Variants in MDN1 observed in about 807,000 individuals in gnomAD.
MDN1 encodes midasin.
A neutral mutation model predicts 669.2 loss-of-function variants in MDN1; 266 were observed. The observed-to-expected ratio is 0.40, with a 90% CI of 0.36 to 0.44. MDN1 has a LOEUF of 0.44. Ranked by LOEUF, MDN1 falls within the 20% of genes least tolerant of loss-of-function variation. The probability of loss-of-function intolerance (pLI) is 1.00; values close to 1 mark genes in which losing one functional copy is unlikely to be tolerated. For synonymous variants in MDN1, 2,385 were observed against 2,457.1 expected (o/e 0.97, Z 0.87); for missense variants, 5,940 against 6,754.0 (o/e 0.88, Z 4.22).
chr6:89,819,130 C>A (rs1326068680), intron 1 of MDN1, among the ~76,000 whole-genome samples: 1 of 152,192 alleles, frequency 6.6e-6, no homozygotes, highest in African/African-American at 2.4e-5. Flanking sequence ...ACAGGAGTGG[C>A]TGCACTACGC....
chr6:89,696,548 T>C lies in MDN1; in HGVS notation c.9195A>G (p.Ile3065Met), dbSNP rs780086391. The C allele has an allele frequency of 2.5e-6, 4 of 1,614,114 alleles. No individual in the cohort carries two copies. Among genetic ancestry groups the C allele is most frequent in the Admixed American group, 3.3e-5 (2 of 60,014 alleles). Reference protein sequence around the residue: ...LKGPGNLNRPIFSKCCFEVLT... With the variant: ...LKGPGNLNRPMFSKCCFEVLT... ...AGACTTCAAAGCAGCACTTAGAGAATATGGGTCTATTGAGATTGCCGGGGC... is the reference window on the plus strand; with the variant it reads ...AGACTTCAAAGCAGCACTTAGAGAACATGGGTCTATTGAGATTGCCGGGGC... Residue 3065 changes from isoleucine to methionine, a missense_variant, in exon 60 of 102, where the codon ATA (isoleucine) becomes ATG (methionine). Physicochemically the swap from Ile to Met is conservative, Grantham distance 10 (BLOSUM62 1). Transcript: ENST00000369393.
intron 30 of MDN1, 80 bp from the exon 31 acceptor site, chr6:89,743,360 G>T (rs1018751014): frequency 3.2e-6 from 5 of 1,555,656 alleles, no homozygotes; most frequent in Non-Finnish European, 4.4e-6. Context: ...GGTGTTTCCA[G>T]GGGTGAAGTA....
At chr6:89,678,318 G>A (rs988144216) in intron 75 of MDN1, among the ~76,000 whole-genome samples, 9 of 152,072 alleles carry the variant, frequency 5.9e-5, no homozygotes, top group African/African-American at 9.7e-5. Flanking sequence ...GCAACAGAGC[G>A]AGACTCAGTC....
intron 74 of MDN1, 103 bp from the exon 75 acceptor site, chr6:89,678,848 C>T: frequency 8.2e-7 from 1 of 1,215,300 alleles, no homozygotes; most frequent in Non-Finnish European, 1.1e-6. Flanking sequence ...AGAACAAAGG[C>T]CAAGTATCAT....
intron 63 of MDN1, among the ~76,000 whole-genome samples, chr6:89,691,047 C>G (rs1324541847): frequency 6.6e-6 from 1 of 152,166 alleles, no homozygotes; most frequent in Non-Finnish European, 1.5e-5. Context: ...CTAAATCCCC[C>G]CTGCTGTGTC....
chr6:89,772,501 T>C lies in MDN1; in HGVS notation c.2083+72A>G, dbSNP rs147073865. ...TAAACTCTGTGGTCTTTGGATTTAG[T>C]ATTTTTAAAAAAGGAAAAAAAGTAG... On this transcript the variant is annotated intron_variant, in intron 14 of 101. Transcript: ENST00000369393. The C allele has an allele frequency of 1.9e-4, 298 of 1,548,190 alleles. 2 individuals are homozygous for C. In the African/African-American group the frequency reaches 3.7e-3, roughly 19 times the overall value.
intron 1 of MDN1, among the ~76,000 whole-genome samples, chr6:89,813,620 A>G (rs1768603131): frequency 6.6e-6 from 1 of 151,750 alleles, no homozygotes; most frequent in Admixed American, 6.6e-5. Context: ...TGTCCCAGCT[A>G]CTCAGAAGGA....
intron 84 of MDN1, among the ~76,000 whole-genome samples, chr6:89,666,936 GGATT>G (rs1436057329): frequency 2.0e-5 from 3 of 152,034 alleles, no homozygotes; most frequent in African/African-American, 7.3e-5. Context: ...ATGAATATTT[GGATT>G]GTTTCACAAT....
intron 40 of MDN1, among the ~76,000 whole-genome samples, chr6:89,720,711 T>C (rs1212789472): frequency 6.6e-6 from 1 of 152,222 alleles, no homozygotes; most frequent in East Asian, 1.9e-4. Flanking sequence ...TACTAGCTGA[T>C]TATGTGAATT....
Position 89,687,365 on chromosome 6 carries a change from C to T in MDN1, c.11429G>A (p.Arg3810Gln), listed in dbSNP as rs942152814. 2.5e-6 allele frequency: 4 copies of T among 1,613,982 alleles called. No individual in the cohort carries two copies. The highest frequency in any genetic ancestry group is 2.5e-6 in the Non-Finnish European group (3 of 1,179,938). Residue 3810 changes from arginine to glutamine, a missense_variant, in exon 68 of 102, where the codon CGG becomes CAG. By Grantham distance (43) the Arg-to-Gln change is conservative. Around this residue, in one of 5 missense-constraint regions of MDN1, gnomAD observed 2,280 missense variants for 2,576.3 expected, o/e 0.88. Coordinates refer to ENST00000369393, the MANE Select transcript of MDN1 (RefSeq NM_014611.3). ...HLDLISQMII[R>Q]WRKLELNCWS... Reference sequence around the variant, plus strand: ...TTACTTCAGCTCCAGTTTACGCCACCGAATGATCATCTGACTGATCAAATC... The same window carrying T: ...TTACTTCAGCTCCAGTTTACGCCACTGAATGATCATCTGACTGATCAAATC...
chr6:89,802,002 A>T (rs1454504806), intron 2 of MDN1, among the ~76,000 whole-genome samples: 1 of 152,190 alleles, frequency 6.6e-6, no homozygotes, highest in Admixed American at 6.6e-5. Flanking sequence ...CATAACGTGT[A>T]ATTCTAACTT....
At chr6:89,801,580 G>A (rs1767664666) in intron 2 of MDN1, among the ~76,000 whole-genome samples, 2 of 152,028 alleles carry the variant, frequency 1.3e-5, no homozygotes, top group South Asian at 4.1e-4. Context: ...AACCTGGGAG[G>A]CAGAGGTTAC....
chr6:89,738,190 G>T, intron 33 of MDN1, 136 bp downstream of exon 33: 1 of 977,962 alleles, frequency 1.0e-6, no homozygotes, highest in Non-Finnish European at 1.5e-6. Flanking sequence ...TGTCTACTTT[G>T]TTTCATTTAC....
Position 89,789,893 on chromosome 6 carries a change from G to T in MDN1, c.1117C>A (p.Arg373Ser). Residue 373 changes from arginine to serine, a missense_variant, in exon 7 of 102, where the codon CGC becomes AGC. Coordinates refer to ENST00000369393, the MANE Select transcript of MDN1 (RefSeq NM_014611.3). ...AACTCTCCAGGAACATCTGTGCAGC[G>T]ATACATCCCCAAAAGCATCTGCAGA... ...TDSKMLLGMY[R>S]CTDVPGEFVW... 1 of 1,611,362 alleles carries T rather than the reference G, an allele frequency of 6.2e-7. No individual in the cohort carries two copies. Among genetic ancestry groups the T allele is most frequent in the South Asian group, 1.1e-5 (1 of 90,208 alleles).
At chr6:89,749,006 ATGAGC>A (rs1452336433) in intron 26 of MDN1, among the ~76,000 whole-genome samples, 2 of 152,008 alleles carry the variant, frequency 1.3e-5, no homozygotes, top group African/African-American at 2.4e-5. Context: ...CAAGGCTGCA[ATGAGC>A]TATGATTGTG....
chr6:89,672,140 A>G, intron 82 of MDN1, 60 bp downstream of exon 82: 1 of 1,477,120 alleles, frequency 6.8e-7, no homozygotes, highest in Admixed American at 2.6e-5. Flanking sequence ...AGTAAAGCCC[A>G]CTCTGCCTTT....
Position 89,750,845 on chromosome 6 carries a change from C to T in MDN1, c.3228-313G>A, listed in dbSNP as rs756468296. Among the ~76,000 whole-genome samples, 25 of 151,984 alleles carry T rather than the reference C, an allele frequency of 1.6e-4. No homozygotes were observed. The Middle Eastern group carries it at 0.01, about 63-fold the overall frequency. ...CTCAAAACCCTGGGCTCAAGTGATCCGACCGCCTTGGCCTCCCACAGTGCT... is the reference window on the plus strand; with the variant it reads ...CTCAAAACCCTGGGCTCAAGTGATCTGACCGCCTTGGCCTCCCACAGTGCT... On this transcript the variant is annotated intron_variant, in intron 23 of 101. Coordinates refer to ENST00000369393, the MANE Select transcript of MDN1 (RefSeq NM_014611.3).
Position 89,780,333 on chromosome 6 carries a change from C to T in MDN1, c.1644-40G>A, listed in dbSNP as rs1402853078. 2.9e-6 allele frequency: 4 copies of T among 1,357,702 alleles called. No individual in the cohort carries two copies. In the African/African-American group the frequency reaches 4.5e-5, roughly 15 times the overall value. The allele number at this position is 1,357,702 out of a possible 1,614,324, so 84.1% of individuals were successfully genotyped here. ...AAGAAAAGAAAAAACAAAGAAAAGACCACAGGCCAAAGACATCAAAGGCAT... is the reference window on the plus strand; with the variant it reads ...AAGAAAAGAAAAAACAAAGAAAAGATCACAGGCCAAAGACATCAAAGGCAT... On this transcript the variant is annotated intron_variant, in intron 10 of 101. Coordinates refer to ENST00000369393, the MANE Select transcript of MDN1 (RefSeq NM_014611.3).
intron 92 of MDN1, among the ~76,000 whole-genome samples, chr6:89,654,855 T>C (rs1273731573): frequency 6.6e-6 from 1 of 152,156 alleles, no homozygotes; most frequent in Admixed American, 6.5e-5. Context: ...CAAATACATA[T>C]CATTATTATA....
Sources: gnomAD v4.1 joint callset for allele counts (sites outside exome capture counted in the v4.1 genomes callset) on GRCh38, gnomAD v4.1.1 for gene constraint, gnomAD v4.1.1 regional missense constraint, MANE v1.5 for transcripts, NCBI Gene and HGNC (gene_info 2026-07-23, HGNC 2026-07-21) for gene names.